The following ADTRP variants were observed in gnomAD, a reference collection of about 807,000 sequenced individuals.
ADTRP encodes the protein androgen-dependent TFPI-regulating protein.
In ADTRP, 20 loss-of-function variants were observed where a neutral mutation model predicts 27.0. The observed-to-expected ratio is 0.74, with a 90% CI of 0.52 to 1.08. The LOEUF (loss-of-function observed/expected upper bound fraction) is 1.08, where lower values mean the gene tolerates loss of function less well. Among genes scored for constraint, ADTRP ranks in the 50% least tolerant of loss-of-function variants. ADTRP has a pLI of 0.00. For synonymous variants in ADTRP, 101 were observed against 105.2 expected, an observed-to-expected ratio of 0.96 and a Z score of 0.25; for missense variants, 251 against 275.0, an observed-to-expected ratio of 0.91 and a Z score of 0.62.
At chr6:11,718,929 G>A (rs879698345) in intron 5 of ADTRP, among the ~76,000 whole-genome samples, 1 of 152,210 alleles carries the variant, frequency 6.6e-6, no homozygotes, top group Non-Finnish European at 1.5e-5. Flanking sequence ...TGAGTGCCCT[G>A]GGAGGACCTC....
At chr6:11,720,475 C>CTTTTT (rs1554110970) in intron 5 of ADTRP, among the ~76,000 whole-genome samples, 2 of 148,802 alleles carry the variant, frequency 1.3e-5, no homozygotes, top group South Asian at 2.1e-4. Flanking sequence ...GGGATATACC[C>CTTTTT]TTTTCTTTTT....
At chr6:11,775,571 T>C (rs1413142700) in intron 1 of ADTRP, among the ~76,000 whole-genome samples, 1 of 152,034 alleles carries the variant, frequency 6.6e-6, no homozygotes, top group Non-Finnish European at 1.5e-5. Flanking sequence ...TTTACTCTCT[T>C]ATTAGGCAGA....
At chr6:11,770,829 C>T (rs1006580208) in intron 1 of ADTRP, among the ~76,000 whole-genome samples, 5 of 152,180 alleles carry the variant, frequency 3.3e-5, no homozygotes, top group Non-Finnish European at 7.4e-5. Context: ...CACTTCCAGC[C>T]GCTCAGGCCG....
At chr6:11,774,368 TC>T (rs1763884134) in intron 1 of ADTRP, among the ~76,000 whole-genome samples, 1 of 140,180 alleles carries the variant, frequency 7.1e-6, no homozygotes, top group African/African-American at 2.6e-5. Flanking sequence ...TTAAGGTTGG[TC>T]CCCCAAGTGT....
intron 1 of ADTRP, among the ~76,000 whole-genome samples, chr6:11,776,410 C>T (rs1031902841): frequency 2.0e-5 from 3 of 152,008 alleles, no homozygotes; most frequent in Non-Finnish European, 4.4e-5. Context: ...TTAGGGTTGG[C>T]AAGGACCTAA....
At chr6:11,771,343 A>AC (rs2113348479) in intron 1 of ADTRP, among the ~76,000 whole-genome samples, 1 of 152,234 alleles carries the variant, frequency 6.6e-6, no homozygotes, top group South Asian at 2.1e-4. Flanking sequence ...AGCAGGTGGA[A>AC]CCCCCGCGTG....
chr6:11,745,425 A>T (rs1762836737), intron 3 of ADTRP, among the ~76,000 whole-genome samples: 1 of 152,204 alleles, frequency 6.6e-6, no homozygotes, highest in South Asian at 2.1e-4. Flanking sequence ...TTCAACTTAC[A>T]TCTATTGTAA....
chr6:11,718,452 A>G (rs1761904931), intron 5 of ADTRP, among the ~76,000 whole-genome samples: 1 of 152,202 alleles, frequency 6.6e-6, no homozygotes, highest in East Asian at 1.9e-4. Flanking sequence ...CAAAGAAAAA[A>G]AAGAAAATTA....
chr6:11,772,756 G>A (rs1648739499), intron 1 of ADTRP, among the ~76,000 whole-genome samples: 2 of 152,198 alleles, frequency 1.3e-5, no homozygotes, highest in Admixed American at 6.5e-5. Context: ...TGTGTTTGGG[G>A]CAGGTACTTT....
chr6:11,719,091 C>T (rs551549774), intron 5 of ADTRP, among the ~76,000 whole-genome samples: 1 of 152,236 alleles, frequency 6.6e-6, no homozygotes, highest in African/African-American at 2.4e-5. Flanking sequence ...ACCACCAACA[C>T]CCTTCTCAGT....
At chr6:11,775,879 A>C (rs918059083) in intron 1 of ADTRP, among the ~76,000 whole-genome samples, 8 of 152,186 alleles carry the variant, frequency 5.3e-5, no homozygotes, top group African/African-American at 1.7e-4. Flanking sequence ...GAGGGGTGTA[A>C]ATTTTCTGGT....
At chr6:11,719,343 T>A (rs1187232177) in intron 5 of ADTRP, among the ~76,000 whole-genome samples, 3 of 152,202 alleles carry the variant, frequency 2.0e-5, no homozygotes, top group Non-Finnish European at 4.4e-5. Flanking sequence ...TTGATGAGCA[T>A]CAGAGGCCTA....
intron 3 of ADTRP, among the ~76,000 whole-genome samples, chr6:11,752,826 A>G (rs1352837810): frequency 6.6e-6 from 1 of 152,210 alleles, no homozygotes; most frequent in African/African-American, 2.4e-5. Flanking sequence ...GATTCTAGCA[A>G]CAGTGGGTGG....
chr6:11,775,887 G>A (rs571056646), intron 1 of ADTRP, among the ~76,000 whole-genome samples: 1 of 152,234 alleles, frequency 6.6e-6, no homozygotes, highest in African/African-American at 2.4e-5. Context: ...TAAATTTTCT[G>A]GTAATCAGGA....
At chr6:11,772,977 G>C (rs1270754543) in intron 1 of ADTRP, among the ~76,000 whole-genome samples, 1 of 152,224 alleles carries the variant, frequency 6.6e-6, no homozygotes, top group Non-Finnish European at 1.5e-5. Flanking sequence ...GGCCAATGTC[G>C]CATAGCTGAG....
At chr6:11,723,734 C>T (rs923827612) in intron 4 of ADTRP, among the ~76,000 whole-genome samples, 1 of 152,050 alleles carries the variant, frequency 6.6e-6, no homozygotes, top group East Asian at 1.9e-4. Flanking sequence ...TTTACCTAAT[C>T]CACTTAAATT....
At chr6:11,718,954 A>C (rs1361855964) in intron 5 of ADTRP, among the ~76,000 whole-genome samples, 1 of 152,164 alleles carries the variant, frequency 6.6e-6, no homozygotes, top group Non-Finnish European at 1.5e-5. Context: ...TACACTTTCC[A>C]ATTTAACATG....
chr6:11,770,364 A>C (rs1470792924), intron 1 of ADTRP, among the ~76,000 whole-genome samples: 2 of 152,210 alleles, frequency 1.3e-5, no homozygotes, highest in Non-Finnish European at 2.9e-5. Flanking sequence ...TTGGAAATTC[A>C]GACCCTGCAG....
intron 4 of ADTRP, among the ~76,000 whole-genome samples, chr6:11,727,948 A>T (rs1762265204): frequency 8.3e-6 from 1 of 120,724 alleles, no homozygotes. Context: ...GAAAGAAGGA[A>T]GGAAGGGAGG....
Sources: allele counts gnomAD v4.1 joint callset (sites outside exome capture counted in the v4.1 genomes callset), GRCh38; gene constraint gnomAD v4.1.1; transcripts MANE v1.5; gene names NCBI Gene and HGNC (gene_info 2026-07-23, HGNC 2026-07-21).